The following ARHGAP24 variants were observed in gnomAD, a reference collection of about 807,000 sequenced individuals.
ARHGAP24 encodes the protein Rho GTPase activating protein 24.
Under a neutral mutation model 76.4 loss-of-function variants are expected in ARHGAP24, and 50 were observed. That is an observed-to-expected ratio of 0.65 (90% CI 0.52 to 0.83). The LOEUF (loss-of-function observed/expected upper bound fraction) is 0.83. Among genes scored for constraint, ARHGAP24 ranks in the 40% least tolerant of loss-of-function variants. The pLI is 0.00. For missense variants in ARHGAP24, 930 were observed against 914.2 expected, an observed-to-expected ratio of 1.02 and a Z score of -0.22; for synonymous variants, 345 against 323.3, an observed-to-expected ratio of 1.07 and a Z score of -0.72.
chr4:85,878,322 A>G (rs1021888545), intron 3 of ARHGAP24, among the ~76,000 whole-genome samples: 1 of 152,160 alleles, frequency 6.6e-6, no homozygotes, highest in Non-Finnish European at 1.5e-5. Flanking sequence ...ATACCCCATA[A>G]TGAAGATTCC....
At chr4:85,512,460 C>A (rs569644951) in intron 1 of ARHGAP24, among the ~76,000 whole-genome samples, 1 of 152,252 alleles carries the variant, frequency 6.6e-6, no homozygotes, top group East Asian at 1.9e-4. Context: ...TCACTCAGGG[C>A]CATTATAGTT....
intron 2 of ARHGAP24, among the ~76,000 whole-genome samples, chr4:85,584,001 A>T (rs1216398687): frequency 2.0e-5 from 3 of 148,950 alleles, no homozygotes; most frequent in Non-Finnish European, 4.4e-5. Flanking sequence ...GTGGGACCGT[A>T]AACTAGTTCA....
intron 3 of ARHGAP24, among the ~76,000 whole-genome samples, chr4:85,795,938 A>C (rs1230035560): frequency 6.6e-6 from 1 of 152,160 alleles, no homozygotes; most frequent in Non-Finnish European, 1.5e-5. Flanking sequence ...TCTCTGGATC[A>C]ATATAGGTGC....
intron 3 of ARHGAP24, among the ~76,000 whole-genome samples, chr4:85,796,319 G>A (rs1470265206): frequency 6.6e-6 from 1 of 151,824 alleles, no homozygotes; most frequent in Admixed American, 6.6e-5. Flanking sequence ...TTGAATTTTT[G>A]TTAACAGTGT....
At chr4:85,920,068 GAAAGATA>G (rs1235185039) in intron 3 of ARHGAP24, among the ~76,000 whole-genome samples, 1 of 152,138 alleles carries the variant, frequency 6.6e-6, no homozygotes, top group Non-Finnish European at 1.5e-5. Context: ...TGTGTATCAA[GAAAGATA>G]ACACTTTTAG....
intron 3 of ARHGAP24, among the ~76,000 whole-genome samples, chr4:85,837,809 G>A (rs933027456): frequency 6.6e-6 from 1 of 152,180 alleles, no homozygotes; most frequent in African/African-American, 2.4e-5. Context: ...ATTTCCCTAC[G>A]TGGGAATCAA....
At chr4:85,733,245 A>G (rs112400544) in intron 3 of ARHGAP24, among the ~76,000 whole-genome samples, 11,172 of 148,824 alleles carry the variant, frequency 0.075, 475 homozygotes, top group Middle Eastern at 0.11. Flanking sequence ...TTGTATTTTT[A>G]GCAGAGACAG....
At chr4:85,767,471 C>G (rs1320511526) in intron 3 of ARHGAP24, among the ~76,000 whole-genome samples, 7 of 152,014 alleles carry the variant, frequency 4.6e-5, no homozygotes, top group African/African-American at 1.7e-4. Flanking sequence ...CCTAAAATTA[C>G]AGCATGCTTT....
intron 9 of ARHGAP24, among the ~76,000 whole-genome samples, chr4:85,997,164 G>C (rs989495586): frequency 6.6e-6 from 1 of 152,020 alleles, no homozygotes; most frequent in African/African-American, 2.4e-5. Flanking sequence ...AAAGTTAACT[G>C]TTCTGGCTAA....
intron 3 of ARHGAP24, among the ~76,000 whole-genome samples, chr4:85,756,094 C>T (rs1446770108): frequency 6.6e-6 from 1 of 152,010 alleles, no homozygotes; most frequent in Non-Finnish European, 1.5e-5. Context: ...ATGTATGTAT[C>T]ATTATGTATC....
chr4:85,691,990 A>G (rs1461880081), intron 2 of ARHGAP24, among the ~76,000 whole-genome samples: 1 of 152,152 alleles, frequency 6.6e-6, no homozygotes, highest in African/African-American at 2.4e-5. Context: ...CACATTTAGC[A>G]TTCTCTTAAG....
intron 1 of ARHGAP24, among the ~76,000 whole-genome samples, chr4:85,498,009 G>T (rs1723648588): frequency 6.6e-6 from 1 of 152,186 alleles, no homozygotes; most frequent in African/African-American, 2.4e-5. Context: ...AATTATGGTT[G>T]AGTTCCTTTT....
chr4:85,790,867 G>A (rs970705290), intron 3 of ARHGAP24, among the ~76,000 whole-genome samples: 4 of 152,200 alleles, frequency 2.6e-5, no homozygotes, highest in Non-Finnish European at 4.4e-5. Flanking sequence ...CTTCCAGGCA[G>A]TGTAGTCATA....
intron 2 of ARHGAP24, among the ~76,000 whole-genome samples, chr4:85,614,573 G>C (rs138353107): frequency 4.6e-5 from 7 of 152,030 alleles, no homozygotes. Context: ...TTAGAATTTA[G>C]AGTCTGAAAG....
At chr4:85,822,475 A>G (rs986391498) in intron 3 of ARHGAP24, among the ~76,000 whole-genome samples, 3 of 152,190 alleles carry the variant, frequency 2.0e-5, no homozygotes, top group Admixed American at 1.3e-4. Context: ...TATGTCAGAA[A>G]GATGTAAAGA....
chr4:85,975,042 A>G (rs980926015), intron 7 of ARHGAP24, 81 bp downstream of exon 7: 41 of 1,284,464 alleles, frequency 3.2e-5, no homozygotes, highest in Non-Finnish European at 4.5e-5. Context: ...CAACGAATAA[A>G]ATCACTCAAC....
At chr4:85,733,156 C>T (rs190215285) in intron 3 of ARHGAP24, among the ~76,000 whole-genome samples, 31 of 141,708 alleles carry the variant, frequency 2.2e-4, no homozygotes, top group African/African-American at 7.2e-4. Flanking sequence ...CTCTGCCTCC[C>T]GGGTTCACAC....
intron 3 of ARHGAP24, among the ~76,000 whole-genome samples, chr4:85,849,636 C>A (rs1731102848): frequency 1.3e-5 from 2 of 152,062 alleles, no homozygotes; most frequent in South Asian, 4.1e-4. Flanking sequence ...ATACCTAGTT[C>A]ATTGAGAGTT....
chr4:85,902,925 G>C (rs796070543), intron 3 of ARHGAP24, among the ~76,000 whole-genome samples: 62 of 152,310 alleles, frequency 4.1e-4, no homozygotes, highest in African/African-American at 1.5e-3. Flanking sequence ...CCACAGTTTT[G>C]AAATTCAATG....
Sources: gnomAD v4.1 joint callset for allele counts (sites outside exome capture counted in the v4.1 genomes callset) on GRCh38, gnomAD v4.1.1 for gene constraint, MANE v1.5 for transcripts, NCBI Gene and HGNC (gene_info 2026-07-23, HGNC 2026-07-21) for gene names.